Variants in CDCP1 observed in about 807,000 individuals in gnomAD.
The protein encoded by CDCP1 is CUB domain containing protein 1.
CDCP1 carries 29 observed loss-of-function variants against 60.2 expected under a neutral mutation model. The ratio of observed to expected loss-of-function variants is 0.48; its 90% CI spans 0.36 to 0.66. The LOEUF (loss-of-function observed/expected upper bound fraction) is 0.66, where lower values mean the gene tolerates loss of function less well. Among genes scored for constraint, CDCP1 ranks in the 30% least tolerant of loss-of-function variants. CDCP1 has a pLI of 0.00. For missense variants in CDCP1, 876 were observed against 1,074.3 expected, an observed-to-expected ratio of 0.82 and a Z score of 2.58; for synonymous variants, 387 against 431.1, an observed-to-expected ratio of 0.90 and a Z score of 1.27.
intron 4 of CDCP1, among the ~76,000 whole-genome samples, chr3:45,107,720 A>G (rs1011089324): frequency 6.6e-6 from 1 of 152,190 alleles, no homozygotes; most frequent in African/African-American, 2.4e-5. Flanking sequence ...AAGTGGGGGA[A>G]CCAGATTCAA....
chr3:45,109,045 G>A (rs6779416), intron 4 of CDCP1, among the ~76,000 whole-genome samples: 7,338 of 147,918 alleles, frequency 0.05, 246 homozygotes, highest in Non-Finnish European at 0.074. Flanking sequence ...TGCCTTCTGG[G>A]TTCAAGCAAT....
rs201458649 is a variant in CDCP1 at position 45,085,658 on chromosome 3, G to C, written c.2491C>G (p.Pro831Ala). ...TCAAGTTATTCTGCTGGCTCCATGG[G>C]CTCCTGAGTGTTCAGTAAGGGAATG... ...TDIPLLNTQE[P>A]MEPAE Residue 831 changes from proline to alanine, a missense_variant, in exon 9 of 9, where the codon CCC becomes GCC. Pro to Ala is a conservative substitution (Grantham distance 27). Around this residue, in one of 2 missense-constraint regions of CDCP1, gnomAD observed 726 missense variants for 935.7 expected, o/e 0.78. Coordinates refer to ENST00000296129, the MANE Select transcript of CDCP1 (RefSeq NM_022842.5). This position sits in a 1 kb window ranked among gnomAD's most constrained non-coding sequence, Gnocchi z 4.2. The C allele has an allele frequency of 2.2e-5, 36 of 1,613,540 alleles. No homozygotes were observed. In the Admixed American group the frequency reaches 5.8e-4, roughly 26 times the overall value.
intron 1 of CDCP1, among the ~76,000 whole-genome samples, chr3:45,120,588 A>C (rs944013143): frequency 6.6e-6 from 1 of 152,172 alleles, no homozygotes; most frequent in Non-Finnish European, 1.5e-5. Context: ...GAAATGACAT[A>C]TCTCTCTGGG....
chr3:45,135,142 T>C (rs1699171630), intron 1 of CDCP1, among the ~76,000 whole-genome samples: 2 of 152,118 alleles, frequency 1.3e-5, no homozygotes, highest in African/African-American at 4.8e-5. Flanking sequence ...GGATGGTCAT[T>C]ATTGGCAACA....
rs766996501 is a variant in CDCP1 at position 45,085,595 on chromosome 3, C to A, written c.*43G>T. On this transcript the variant is annotated 3_prime_UTR_variant, in exon 9 of 9. Transcript: ENST00000296129. This position sits in a 1 kb window ranked among gnomAD's most constrained non-coding sequence, Gnocchi z 4.2. ...AGGAACACGGACGGGTGTCTCAGTG[C>A]CCTGCTTTATGAAACTCAGCAAAGC... The A allele has an allele frequency of 1.4e-5, 22 of 1,557,620 alleles. No homozygotes were observed. In the Admixed American group the frequency reaches 4.0e-4, roughly 28 times the overall value.
chr3:45,120,072 T>G (rs1160461198), intron 1 of CDCP1, among the ~76,000 whole-genome samples: 4 of 152,238 alleles, frequency 2.6e-5, no homozygotes, highest in Admixed American at 6.5e-5. Flanking sequence ...ATGATTTATT[T>G]ATCCATGCAC....
chr3:45,123,857 A>G (rs1698928314), intron 1 of CDCP1, among the ~76,000 whole-genome samples: 1 of 152,190 alleles, frequency 6.6e-6, no homozygotes, highest in African/African-American at 2.4e-5. Context: ...AATGCTCCAG[A>G]TTCTGGTGTG....
intron 4 of CDCP1, among the ~76,000 whole-genome samples, chr3:45,109,806 C>A (rs1361135974): frequency 6.6e-6 from 1 of 152,074 alleles, no homozygotes; most frequent in Non-Finnish European, 1.5e-5. Context: ...CTCCGCTTTT[C>A]TATGTTCATG....
chr3:45,085,524 C>A lies in CDCP1; in HGVS notation c.*114G>T. The A allele has an allele frequency of 8.9e-7, 1 of 1,125,050 alleles. No individual in the cohort carries two copies. The highest frequency in any genetic ancestry group is 1.3e-6 in the Non-Finnish European group (1 of 779,304). The allele number at this position is 1,125,050 out of a possible 1,614,324, so 69.7% of individuals were successfully genotyped here. On this transcript the variant is annotated 3_prime_UTR_variant, in exon 9 of 9. Transcript: ENST00000296129. The surrounding 1 kb of genome is among the most constrained non-coding windows in gnomAD (Gnocchi z 4.2). ...AAGTTGGCGGTGTCCAGGAAAACCT[C>A]CTGCTGTTCCTTCTGTATAATTCCT...
At chr3:45,115,913 A>G (rs1698782301) in intron 2 of CDCP1, among the ~76,000 whole-genome samples, 2 of 152,156 alleles carry the variant, frequency 1.3e-5, no homozygotes, top group Non-Finnish European at 2.9e-5. Flanking sequence ...GGAACATGGC[A>G]TATCTTTCCA....
At position 45,116,240 on chromosome 3, in the gene CDCP1, A is replaced by AAG. The variant is rs1491323581; in HGVS notation, c.292+2171_292+2172insCT. ...AAATCTATGTTCATACTGTTCTGTT[A>AAG]AAAAAAAAAAAAAAAGACATCTAAA... On this transcript the variant is annotated intron_variant, in intron 2 of 8. Coordinates refer to ENST00000296129, the MANE Select transcript of CDCP1 (RefSeq NM_022842.5). Among the ~76,000 whole-genome samples the AAG allele has an allele frequency of 4.7e-4, 45 of 95,958 alleles. No individual in the cohort carries two copies. The East Asian group carries it at 0.011, about 24-fold the overall frequency. 63.0% of individuals were successfully genotyped at this position (95,958 alleles called of 152,430 possible).
At chr3:45,128,980 G>C (rs1233893559) in intron 1 of CDCP1, among the ~76,000 whole-genome samples, 1 of 152,204 alleles carries the variant, frequency 6.6e-6, no homozygotes, top group Non-Finnish European at 1.5e-5. Context: ...GCCTCCCAAA[G>C]TGCTGGGATT....
intron 3 of CDCP1, among the ~76,000 whole-genome samples, chr3:45,111,163 G>A (rs1698686570): frequency 6.6e-6 from 1 of 152,196 alleles, no homozygotes; most frequent in Admixed American, 6.5e-5. Flanking sequence ...TGAATGTGGA[G>A]TTGGGCAGTA....
Position 45,091,489 on chromosome 3 carries a change from C to G in CDCP1, c.1677G>C (p.Leu559=), listed in dbSNP as rs1698295526. 6.2e-7 allele frequency: 1 copy of G among 1,609,128 alleles called. No homozygotes were observed. Among genetic ancestry groups the G allele is most frequent in the Non-Finnish European group, 8.5e-7 (1 of 1,177,618 alleles). The change falls in exon 7 of 9, where the codon CTG becomes CTC. Residue 559 remains leucine, a synonymous_variant. Transcript: ENST00000296129. This position sits in a 1 kb window ranked among gnomAD's most constrained non-coding sequence, Gnocchi z 4.8. The part of the protein sequence containing the change: ...VTPDTKSKVY[L]RTPNWDRGLP... ...GGCCCCGGTCCCAGTTGGGGGTCCT[C>G]AGGTAGACCTTGCTTTTTGTGTCAG... is the stretch of plus-strand genomic sequence containing the variant.
At chr3:45,112,569 G>T in intron 2 of CDCP1, 124 bp from the exon 3 acceptor site, 2 of 1,375,096 alleles carry the variant, frequency 1.5e-6, no homozygotes, top group Non-Finnish European at 2.0e-6. Context: ...CCTTTACCAG[G>T]CAGGGGCACC....
chr3:45,086,712 T>C (rs1285982512), intron 8 of CDCP1, among the ~76,000 whole-genome samples: 1 of 152,232 alleles, frequency 6.6e-6, no homozygotes, highest in African/African-American at 2.4e-5. Flanking sequence ...CAGGCTGCAG[T>C]GCCAGAGTTC....
chr3:45,083,223 C>T lies in CDCP1; in HGVS notation c.*2415G>A, dbSNP rs1395497170. 6.6e-6 allele frequency: 1 copy of T among 152,204 alleles called. No homozygotes were observed. The highest frequency in any genetic ancestry group is 1.5e-5 in the Non-Finnish European group (1 of 68,038). 9.4% of individuals were successfully genotyped at this position (152,204 alleles called of 1,614,324 possible). ...AGGAAGCCGCAGCCCTCCTTTGGCC[C>T]TTTATGCAGGGTCAGCATCTCGGCT... On this transcript the variant is annotated 3_prime_UTR_variant, in exon 9 of 9. Coordinates refer to ENST00000296129, the MANE Select transcript of CDCP1 (RefSeq NM_022842.5).
chr3:45,130,938 C>T (rs945850297), intron 1 of CDCP1, among the ~76,000 whole-genome samples: 1 of 152,132 alleles, frequency 6.6e-6, no homozygotes, highest in African/African-American at 2.4e-5. Flanking sequence ...ACAATCACAG[C>T]TCACTGCAGC....
intron 6 of CDCP1, 128 bp downstream of exon 6, chr3:45,093,149 G>T: frequency 9.5e-7 from 1 of 1,049,254 alleles, no homozygotes; most frequent in Non-Finnish European, 1.4e-6. Flanking sequence ...CAAATTTCTT[G>T]TGCAAGGACC....
Sources: allele counts gnomAD v4.1 joint callset (sites outside exome capture counted in the v4.1 genomes callset), GRCh38; gene constraint gnomAD v4.1.1; regional missense constraint gnomAD v4.1.1; non-coding constraint Gnocchi (gnomAD v3.1); transcripts MANE v1.5; gene names NCBI Gene and HGNC (gene_info 2026-07-23, HGNC 2026-07-21).